Variants in COLQ observed in about 807,000 individuals in gnomAD.
COLQ encodes acetylcholinesterase collagenic tail peptide.
COLQ carries 48 observed loss-of-function variants against 69.0 expected under a neutral mutation model. The observed-to-expected ratio is 0.70, with a 90% CI of 0.55 to 0.88. The LOEUF is 0.88. Among genes scored for constraint, COLQ ranks in the 40% least tolerant of loss-of-function variants. The pLI is 0.00. For synonymous variants in COLQ, 217 were observed against 211.2 expected (o/e 1.03, Z -0.24); for missense variants, 618 against 594.6 (o/e 1.04, Z -0.41).
Position 15,455,821 on chromosome 3 carries a change from C to G in COLQ, c.1195+78G>C, listed in dbSNP as rs2062015446. On this transcript the variant is annotated intron_variant, in intron 15 of 16. Transcript: ENST00000383788. Reference sequence around the variant, plus strand: ...CTAGAAAGGTCCCAAAGCACCACAGCTGGTGTCCAGGGCTGGCCCTGAGTC... The same window carrying G: ...CTAGAAAGGTCCCAAAGCACCACAGGTGGTGTCCAGGGCTGGCCCTGAGTC... 2.5e-6 allele frequency: 4 copies of G among 1,592,696 alleles called. No homozygotes were observed. The South Asian group carries it at 4.5e-5, about 18-fold the overall frequency.
intron 5 of COLQ, 24 bp from the exon 6 acceptor site, chr3:15,477,221 C>G: frequency 6.3e-7 from 1 of 1,590,778 alleles, no homozygotes; most frequent in South Asian, 1.1e-5. Context: ...GAACAAAAGT[C>G]AGGGCAACTG....
intron 15 of COLQ, among the ~76,000 whole-genome samples, chr3:15,454,737 C>T (rs2062002421): frequency 6.6e-6 from 1 of 151,304 alleles, no homozygotes; most frequent in African/African-American, 2.4e-5. Context: ...TTCACTGCAG[C>T]CTTGAACCCC....
intron 12 of COLQ, among the ~76,000 whole-genome samples, chr3:15,463,676 C>T (rs1027498115): frequency 6.6e-6 from 1 of 152,014 alleles, no homozygotes; most frequent in Non-Finnish European, 1.5e-5. Context: ...CCCTAGGTAC[C>T]CCAGGGGCCA....
Position 15,480,338 on chromosome 3 carries a change from C to T in COLQ, c.322-956G>A, listed in dbSNP as rs9917680. 6.6e-5 allele frequency among the ~76,000 whole-genome samples: 10 copies of T among 152,110 alleles called. No homozygotes were observed. The East Asian group carries it at 1.5e-3, about 24-fold the overall frequency. Reference sequence around the variant, plus strand: ...TAATGCTATCCCTCCCCACTCCCCCCACCCCACGACAGGCCCTGGTATGTG... The same window carrying T: ...TAATGCTATCCCTCCCCACTCCCCCTACCCCACGACAGGCCCTGGTATGTG... On this transcript the variant is annotated intron_variant, in intron 3 of 16. Coordinates refer to ENST00000383788, the MANE Select transcript of COLQ (RefSeq NM_005677.4).
rs749018849 is a variant in COLQ at position 15,458,180 on chromosome 3, C to T, written c.954+6G>A. 1.5e-5 allele frequency: 25 copies of T among 1,613,112 alleles called. No individual in the cohort carries two copies. Among genetic ancestry groups the T allele is most frequent in the Non-Finnish European group, 2.0e-5 (24 of 1,180,024 alleles). ...ACCACCCCAGACTTCTCCCAGAAAG[C>T]CTTACCACAGGAACTCGCGGGGAAC... On this transcript the variant is annotated splice_donor_region_variant and intron_variant, in intron 13 of 16. Transcript: ENST00000383788.
chr3:15,481,431 T>C (rs1176622388), intron 3 of COLQ, among the ~76,000 whole-genome samples: 3 of 152,254 alleles, frequency 2.0e-5, no homozygotes, highest in African/African-American at 4.8e-5. Context: ...TTTCTACATA[T>C]GGCTAGCCAG....
intron 12 of COLQ, among the ~76,000 whole-genome samples, chr3:15,459,808 T>A (rs1341091983): frequency 2.0e-5 from 3 of 151,694 alleles, no homozygotes; most frequent in Admixed American, 2.0e-4. Flanking sequence ...TTATTATTAT[T>A]ATTATACTTT....
chr3:15,466,367 G>T lies in COLQ; in HGVS notation c.788C>A (p.Pro263Gln), dbSNP rs146619514. 1.2e-6 allele frequency: 2 copies of T among 1,614,094 alleles called. No individual in the cohort carries two copies. Among genetic ancestry groups the T allele is most frequent in the Admixed American group, 3.3e-5 (2 of 60,034 alleles). The change falls in exon 12 of 17, where the codon CCG becomes CAG. Residue 263 changes from proline to glutamine, a missense_variant. By Grantham distance (76) the Pro-to-Gln change is moderately conservative (BLOSUM62 -1). Transcript: ENST00000383788. ...KPGPSGQPGR[P>Q]GPPGPPPAGQ... ...TGCAGGTGGGGGGCCTGGGGGCCCC[G>T]GACGGCCAGGTTGACCAGAAGGCCC...
chr3:15,497,036 C>CA (rs1179476935), intron 1 of COLQ, among the ~76,000 whole-genome samples: 1 of 107,530 alleles, frequency 9.3e-6, no homozygotes, highest in East Asian at 2.9e-4. Flanking sequence ...GTCCTTTTGC[C>CA]TTTTTTTTTT....
intron 3 of COLQ, among the ~76,000 whole-genome samples, chr3:15,484,013 T>G (rs2062534241): frequency 6.6e-6 from 1 of 151,748 alleles, no homozygotes; most frequent in Non-Finnish European, 1.5e-5. Flanking sequence ...AAAGTCTGTT[T>G]TATCAGAGAC....
chr3:15,513,416 G>C (rs1373178375), intron 1 of COLQ, among the ~76,000 whole-genome samples: 1 of 152,184 alleles, frequency 6.6e-6, no homozygotes, highest in Non-Finnish European at 1.5e-5. Flanking sequence ...CTATGCCAGA[G>C]CGCTTCTCCA....
chr3:15,453,838 T>C lies in COLQ; in HGVS notation c.1289A>G (p.Tyr430Cys), dbSNP rs121908923. The C allele has an allele frequency of 6.2e-7, 1 of 1,608,440 alleles. No homozygotes were observed. The highest frequency in any genetic ancestry group is 1.7e-5 in the Admixed American group (1 of 59,720). ...SDFGYLTCET[Y>C]LPGSYGDLQC... is the part of the protein sequence containing the mutation. ...GGGGAGTCATCCCTACCCAGGGAGATAGGTCTCGCATGTCAGGTAGCCAAA... is the reference window on the plus strand; with the variant it reads ...GGGGAGTCATCCCTACCCAGGGAGACAGGTCTCGCATGTCAGGTAGCCAAA... Residue 430 changes from tyrosine to cysteine, a missense_variant, in exon 16 of 17, where the codon TAT becomes TGT. Tyr to Cys is a radical substitution (Grantham distance 194). Transcript: ENST00000383788.
chr3:15,460,214 C>T (rs536129038), intron 12 of COLQ, among the ~76,000 whole-genome samples: 3 of 152,288 alleles, frequency 2.0e-5, no homozygotes, highest in African/African-American at 7.2e-5. Flanking sequence ...CTGTTTTCAT[C>T]CACCAGGGCT....
chr3:15,484,596 T>C (rs1046369341), intron 3 of COLQ, among the ~76,000 whole-genome samples: 1 of 152,236 alleles, frequency 6.6e-6, no homozygotes, highest in Non-Finnish European at 1.5e-5. Flanking sequence ...CCCATATTTC[T>C]TGGAGGCTTT....
chr3:15,512,950 G>C (rs539993960), intron 1 of COLQ, among the ~76,000 whole-genome samples: 44 of 152,172 alleles, frequency 2.9e-4, no homozygotes, highest in Non-Finnish European at 1.5e-5. Flanking sequence ...ACCACTCTGC[G>C]ATTCTGCCTT....
intron 4 of COLQ, 120 bp downstream of exon 4, chr3:15,479,218 T>C: frequency 8.2e-7 from 1 of 1,214,738 alleles, no homozygotes; most frequent in Non-Finnish European, 1.2e-6. Context: ...ACCCAGCCTC[T>C]CACCAAGGCA....
chr3:15,506,585 G>A (rs2062914497), intron 1 of COLQ: 1 of 152,070 alleles, frequency 6.6e-6, no homozygotes, highest in African/African-American at 2.4e-5. Context: ...TTATACATAT[G>A]ATACTCCCTC....
At chr3:15,492,819 G>A (rs562619341) in intron 1 of COLQ, among the ~76,000 whole-genome samples, 1 of 152,232 alleles carries the variant, frequency 6.6e-6, no homozygotes, top group Admixed American at 6.5e-5. Context: ...CTCCTGACCC[G>A]GCTCAACAGA....
chr3:15,506,920 C>T (rs929422085), intron 1 of COLQ: 1 of 152,188 alleles, frequency 6.6e-6, no homozygotes, highest in African/African-American at 2.4e-5. Flanking sequence ...CACAGTATTT[C>T]TAAGAAATTA....
Sources: allele counts gnomAD v4.1 joint callset (sites outside exome capture counted in the v4.1 genomes callset), GRCh38; gene constraint gnomAD v4.1.1; transcripts MANE v1.5; gene names NCBI Gene and HGNC (gene_info 2026-07-23, HGNC 2026-07-21).